The following NFATC1 variants were observed in gnomAD, a reference collection of about 807,000 sequenced individuals.
The protein encoded by NFATC1 is nuclear factor of activated T-cells, cytoplasmic 1.
In NFATC1, 22 loss-of-function variants were observed where a neutral mutation model predicts 76.0. The observed-to-expected ratio is 0.29, with a 90% confidence interval of 0.21 to 0.41. NFATC1 has a LOEUF of 0.41. Ranked by LOEUF, NFATC1 falls within the 10% of genes least tolerant of loss-of-function variation. The pLI is 1.00. For synonymous variants in NFATC1, 704 were observed against 613.1 expected, an observed-to-expected ratio of 1.15 and a Z score of -2.19; for missense variants, 1,357 against 1,337.7, an observed-to-expected ratio of 1.01 and a Z score of -0.23.
chr18:79,526,078 C>T (rs113934215), intron 9 of NFATC1, among the ~76,000 whole-genome samples: 5,839 of 152,336 alleles, frequency 0.038, 373 homozygotes, highest in African/African-American at 0.13. Flanking sequence ...AGAACAGAGC[C>T]GTCTTTCTCT....
intron 2 of NFATC1, among the ~76,000 whole-genome samples, chr18:79,412,861 G>A (rs1181339037): frequency 6.6e-6 from 1 of 152,196 alleles, no homozygotes; most frequent in Admixed American, 6.5e-5. Flanking sequence ...GACTTGCAGT[G>A]GGCGCATTTA....
chr18:79,465,717 G>C lies in NFATC1; in HGVS notation c.1960-1733G>C, dbSNP rs1410156950. Among the ~76,000 whole-genome samples, 2 of 152,242 alleles carry C rather than the reference G, an allele frequency of 1.3e-5. No homozygotes were observed. The highest frequency in any genetic ancestry group is 2.9e-5 in the Non-Finnish European group (2 of 68,052). ...CTCTAAAGACCCACCTGGTGTAGCT[G>C]CTGACTCCATCGCAGCTGCCCTGAG... On this transcript the variant is annotated intron_variant, in intron 7 of 9. Coordinates refer to ENST00000427363, the MANE Select transcript of NFATC1 (RefSeq NM_001278669.2). This position sits in a 1 kb window ranked among gnomAD's most constrained non-coding sequence, Gnocchi z 4.2.
intron 7 of NFATC1, among the ~76,000 whole-genome samples, chr18:79,467,032 G>C (rs1397465060): frequency 6.6e-6 from 1 of 152,266 alleles, no homozygotes; most frequent in Non-Finnish European, 1.5e-5. Flanking sequence ...CCCGGTCCCA[G>C]TTCTGTTTAC....
intron 1 of NFATC1, 80 bp downstream of exon 1, chr18:79,396,431 G>A (rs1202486687): frequency 5.2e-6 from 5 of 967,512 alleles, no homozygotes; most frequent in Non-Finnish European, 1.3e-6. Context: ...CGCCCCCGTC[G>A]CCCGCACGGA....
At chr18:79,456,479 G>T (rs562038780) in intron 6 of NFATC1, among the ~76,000 whole-genome samples, 2 of 152,208 alleles carry the variant, frequency 1.3e-5, no homozygotes, top group East Asian at 3.9e-4. Context: ...TGCAGGCCCC[G>T]ATTTCCCCAG....
intron 3 of NFATC1, among the ~76,000 whole-genome samples, chr18:79,447,921 T>C (rs564761476): frequency 6.6e-6 from 1 of 152,368 alleles, no homozygotes; most frequent in African/African-American, 2.4e-5. Flanking sequence ...AAGACGCTGA[T>C]GAGCAACTCA....
intron 2 of NFATC1, among the ~76,000 whole-genome samples, chr18:79,411,800 A>G (rs2085697561): frequency 6.6e-6 from 1 of 152,208 alleles, no homozygotes; most frequent in Non-Finnish European, 1.5e-5. Flanking sequence ...AGTCTCTGCA[A>G]ACACCCATTT....
chr18:79,406,452 C>T (rs935566267), intron 1 of NFATC1, among the ~76,000 whole-genome samples: 75 of 152,166 alleles, frequency 4.9e-4, no homozygotes, highest in Non-Finnish European at 8.1e-4. Context: ...TCCACGCTGC[C>T]ATCGTGTTCC....
At chr18:79,451,490 A>G (rs2087470918) in intron 5 of NFATC1, among the ~76,000 whole-genome samples, 186 bp from the exon 6 acceptor site, 1 of 152,194 alleles carries the variant, frequency 6.6e-6, no homozygotes, top group Non-Finnish European at 1.5e-5. Context: ...CGAGGTGGAG[A>G]CCATCAGGAT....
chr18:79,399,505 G>GA (rs566069877), intron 1 of NFATC1, among the ~76,000 whole-genome samples: 39 of 152,370 alleles, frequency 2.6e-4, no homozygotes, highest in African/African-American at 8.7e-4. Context: ...GAGCCCGGGG[G>GA]AAGTTAGAAC....
In NFATC1 at chr18:79,410,874, C is replaced by T; in HGVS notation, c.599C>T (p.Pro200Leu). ...ESNYSYPYAS[P>L]QTSPWQSPCV... is the part of the protein sequence containing the mutation. The stretch of plus-strand genomic sequence containing the variant: ...AACTACTCGTACCCGTACGCGTCCC[C>T]CCAGACGTCGCCATGGCAGTCTCCC... Residue 200 changes from proline (P) to leucine (L), a missense_variant, in exon 2 of 10, where the codon CCC becomes CTC. Physicochemically the swap from Pro to Leu is moderately conservative, Grantham distance 98. This residue lies in a region of NFATC1 where 691 missense variants were observed against 613.1 expected (regional missense o/e 1.13). Transcript: ENST00000427363. The surrounding 1 kb of genome is among the most constrained non-coding windows in gnomAD (Gnocchi z 6.7). 1 of 1,609,544 alleles carries T rather than the reference C, an allele frequency of 6.2e-7. No homozygotes were observed. Among genetic ancestry groups the T allele is most frequent in the Non-Finnish European group, 8.5e-7 (1 of 1,178,768 alleles).
chr18:79,448,676 A>AG (rs1355213284), intron 3 of NFATC1, 106 bp from the exon 4 acceptor site: 3 of 1,019,878 alleles, frequency 2.9e-6, no homozygotes, highest in Non-Finnish European at 2.9e-6. Context: ...GGGGCAGGGC[A>AG]GGGGGACACA....
At chr18:79,477,007 G>A (rs993516148) in intron 8 of NFATC1, among the ~76,000 whole-genome samples, 8 of 152,214 alleles carry the variant, frequency 5.3e-5, no homozygotes, top group Non-Finnish European at 8.8e-5. Flanking sequence ...CACATCAGGC[G>A]GTGCCTGGTT....
chr18:79,401,587 CCA>C (rs2085259013), intron 1 of NFATC1, among the ~76,000 whole-genome samples: 1 of 152,234 alleles, frequency 6.6e-6, no homozygotes, highest in Non-Finnish European at 1.5e-5. Context: ...AGAGCTGGTT[CCA>C]GTCCTCCCCG....
At position 79,466,566 on chromosome 18, in the gene NFATC1, T is replaced by G. The variant is rs530834057; in HGVS notation, c.1960-884T>G. On this transcript the variant is annotated intron_variant, in intron 7 of 9. Coordinates refer to ENST00000427363, the MANE Select transcript of NFATC1 (RefSeq NM_001278669.2). Reference sequence around the variant, plus strand: ...CATGGCTTGTGTTTCATGTGTATACTTGAAGGAGCATGAGTTTCGTAAACA... The same window carrying G: ...CATGGCTTGTGTTTCATGTGTATACGTGAAGGAGCATGAGTTTCGTAAACA... 1.9e-4 allele frequency among the ~76,000 whole-genome samples: 29 copies of G among 152,294 alleles called. No homozygotes were observed. The South Asian group carries it at 5.8e-3, about 30-fold the overall frequency.
chr18:79,427,296 A>G (rs2086375507), intron 2 of NFATC1, among the ~76,000 whole-genome samples: 1 of 152,092 alleles, frequency 6.6e-6, no homozygotes, highest in South Asian at 2.1e-4. Flanking sequence ...GGACCAGTAT[A>G]TGCCCAATTT....
At chr18:79,405,749 G>A (rs2085414166) in intron 1 of NFATC1, among the ~76,000 whole-genome samples, 1 of 152,250 alleles carries the variant, frequency 6.6e-6, no homozygotes. Flanking sequence ...GCATGCTTAG[G>A]TGAGCCCTTT....
intron 3 of NFATC1, 145 bp from the exon 4 acceptor site, chr18:79,448,637 C>G: frequency 1.3e-6 from 1 of 749,720 alleles, no homozygotes; most frequent in East Asian, 2.5e-5. Context: ...TACAAAGACA[C>G]CAGTATGACA....
chr18:79,422,374 C>CT (rs2086124314), intron 2 of NFATC1: 1 of 151,970 alleles, frequency 6.6e-6, no homozygotes, highest in Non-Finnish European at 1.5e-5. Context: ...CTGGAGACGT[C>CT]TGAGAAGGTG....
Sources: allele counts gnomAD v4.1 joint callset (sites outside exome capture counted in the v4.1 genomes callset), GRCh38; gene constraint gnomAD v4.1.1; regional missense constraint gnomAD v4.1.1; non-coding constraint Gnocchi (gnomAD v3.1); transcripts MANE v1.5; gene names NCBI Gene and HGNC (gene_info 2026-07-23, HGNC 2026-07-21).